ZNF347: variants seen among roughly 807,000 people sequenced by gnomAD.
The protein encoded by ZNF347 is CTD-2620I22.7.
A neutral mutation model predicts 12.9 loss-of-function variants in ZNF347; 19 were observed. The ratio of observed to expected loss-of-function variants is 1.47; its 90% CI spans 1.03 to 2.16. The LOEUF (loss-of-function observed/expected upper bound fraction) is 2.16. Among genes scored for constraint, ZNF347 ranks in the 30% most tolerant of loss-of-function variants. The pLI is 0.00. For missense variants in ZNF347, 1,005 were observed against 990.6 expected (o/e 1.01, Z -0.19); for synonymous variants, 328 against 340.6 (o/e 0.96, Z 0.41).
rs187444511 is a variant in ZNF347, at chr19:53,155,466, G to A, written c.-46-1673C>T. On this transcript the variant is annotated intron_variant, in intron 1 of 4. Coordinates refer to ENST00000334197, the MANE Select transcript of ZNF347 (RefSeq NM_032584.3). ...TCTCACCTCAGCCTTGCAAGTAGCTGGGAGCGCAGGTGCAAGCCACCACAT... is the reference window on the plus strand; with the variant it reads ...TCTCACCTCAGCCTTGCAAGTAGCTAGGAGCGCAGGTGCAAGCCACCACAT... 5.6e-3 allele frequency among the ~76,000 whole-genome samples: 854 copies of A among 151,848 alleles called. 5 individuals carry two copies. Among genetic ancestry groups the A allele is most frequent in the Non-Finnish European group, 9.6e-3 (650 of 67,944 alleles).
rs2090398829 is a variant in ZNF347, at chr19:53,138,438, T to C, written c.*1870A>G. 1 of 152,156 alleles carries C rather than the reference T, an allele frequency of 6.6e-6. No individual in the cohort carries two copies. Among genetic ancestry groups the C allele is most frequent in the Admixed American group, 6.6e-5 (1 of 15,262 alleles). 9.4% of individuals were successfully genotyped at this position (152,156 alleles called of 1,614,324 possible). A position where few individuals can be genotyped will look rare whatever the true frequency, so the allele number is the denominator to read the frequency against. On this transcript the variant is annotated 3_prime_UTR_variant, in exon 5 of 5. Transcript: ENST00000334197. ...AGCCCATACACTTTCTATATTTGTA[T>C]TTTCACTTCATGTAAATAAAGATGC...
rs942553367 is a variant in ZNF347 at position 53,135,239 on chromosome 19, T to C, written c.*5069A>G. 6.6e-6 allele frequency: 1 copy of C among 151,188 alleles called. No individual in the cohort carries two copies. Among genetic ancestry groups the C allele is most frequent in the African/African-American group, 2.4e-5 (1 of 41,078 alleles). 9.4% of individuals were successfully genotyped at this position (151,188 alleles called of 1,614,324 possible). ...GATGTTGGAAATCTTTTTATGTGCC[T>C]ATTTATCTCAGTATAACTGCTTCAG... On this transcript the variant is annotated 3_prime_UTR_variant, in exon 5 of 5. Coordinates refer to ENST00000334197, the MANE Select transcript of ZNF347 (RefSeq NM_032584.3).
At position 53,140,752 on chromosome 19, in the gene ZNF347, T is replaced by C. The variant is rs772340249; in HGVS notation, c.2076A>G (p.Gln692=). Residue 692 remains glutamine, a synonymous_variant, in exon 5 of 5, where the codon CAA becomes CAG. Coordinates refer to ENST00000334197, the MANE Select transcript of ZNF347 (RefSeq NM_032584.3). The stretch of plus-strand genomic sequence containing the variant: ...TCTGATGCCTTGCAAGCTTTGATGT[T>C]TGACTAAAGGCTTTGCCACATTCAT... The part of the protein sequence containing the change: ...QCNECGKAFS[Q]TSKLARHQRV... 3 of 1,612,340 alleles carry C rather than the reference T, an allele frequency of 1.9e-6. No individual in the cohort carries two copies. The highest frequency in any genetic ancestry group is 2.5e-6 in the Non-Finnish European group (3 of 1,179,170).
intron 2 of ZNF347, among the ~76,000 whole-genome samples, chr19:53,152,813 C>T (rs914423356): frequency 2.0e-5 from 3 of 151,830 alleles, no homozygotes; most frequent in Non-Finnish European, 2.9e-5. Flanking sequence ...GCCTGTAGTC[C>T]CAGTTACTTG....
chr19:53,156,533 C>T (rs1391522570), intron 1 of ZNF347, among the ~76,000 whole-genome samples: 1 of 152,156 alleles, frequency 6.6e-6, no homozygotes, highest in Admixed American at 6.5e-5. Context: ...CTGATAAATA[C>T]TGTGGTTCTC....
intron 3 of ZNF347, 151 bp from the exon 4 acceptor site, chr19:53,148,960 A>T: frequency 8.5e-7 from 1 of 1,175,148 alleles, no homozygotes; most frequent in Non-Finnish European, 1.2e-6. Flanking sequence ...TTGTTAGGAA[A>T]CACTATAATA....
intron 4 of ZNF347, 124 bp from the exon 5 acceptor site, chr19:53,142,680 G>A: frequency 2.8e-6 from 2 of 713,890 alleles, no homozygotes; most frequent in Non-Finnish European, 4.3e-6. Context: ...ATATTAAACA[G>A]ATTTATGAAA....
intron 1 of ZNF347, among the ~76,000 whole-genome samples, chr19:53,154,619 T>A (rs1354391097): frequency 3.3e-5 from 5 of 151,932 alleles, no homozygotes; most frequent in Middle Eastern, 3.2e-3. Flanking sequence ...AACAAATAGA[T>A]GTGTAAAGCT....
chr19:53,152,240 T>C (rs4575636), intron 2 of ZNF347, among the ~76,000 whole-genome samples: 82,780 of 151,960 alleles, frequency 0.54, 25,556 homozygotes, highest in South Asian at 0.74. Flanking sequence ...AGATGTAGAA[T>C]GAGCTATACA....
chr19:53,153,564 C>T (rs1033149557), intron 2 of ZNF347, among the ~76,000 whole-genome samples, 169 bp downstream of exon 2: 2 of 152,126 alleles, frequency 1.3e-5, no homozygotes, highest in African/African-American at 2.4e-5. Flanking sequence ...CACTGGGTCA[C>T]GAGAGATGGA....
chr19:53,155,316 G>GTGTGTGTA (rs969604988), intron 1 of ZNF347, among the ~76,000 whole-genome samples: 7 of 151,316 alleles, frequency 4.6e-5, no homozygotes, highest in African/African-American at 1.7e-4. Context: ...GTGTGTGTGT[G>GTGTGTGTA]TGTGTGTGTG....
chr19:53,140,859 C>G lies in ZNF347; in HGVS notation c.1969G>C (p.Glu657Gln), dbSNP rs144522685. 873 of 1,613,816 alleles carry G rather than the reference C, an allele frequency of 5.4e-4. 4 individuals carry two copies. The African/African-American group carries it at 8.4e-3, about 16-fold the overall frequency. The change falls in exon 5 of 5, where the codon GAG becomes CAG. Residue 657 changes from glutamate to glutamine, a missense_variant. By Grantham distance (29) the Glu-to-Gln change is conservative. Transcript: ENST00000334197. ...HTGEKPYKCNECGKVFTQNSH... is the reference protein window; with the variant it reads ...HTGEKPYKCNQCGKVFTQNSH... The stretch of plus-strand genomic sequence containing the variant: ...TTCTGAGTGAAGACCTTGCCACACT[C>G]ATTACATTTGTAAGGTTTTTCACCA...
At chr19:53,152,580 C>T (rs1031890086) in intron 2 of ZNF347, among the ~76,000 whole-genome samples, 6 of 151,988 alleles carry the variant, frequency 3.9e-5, no homozygotes, top group Middle Eastern at 3.4e-3. Context: ...CCAGCCTGGG[C>T]AACAGAGTGA....
intron 4 of ZNF347, among the ~76,000 whole-genome samples, chr19:53,144,573 T>TA (rs1293803068): frequency 6.6e-6 from 1 of 151,896 alleles, no homozygotes; most frequent in African/African-American, 2.4e-5. Context: ...AAAAAAAAAT[T>TA]AGAGTTAAAA....
Position 53,149,260 on chromosome 19 carries a change from A to G in ZNF347, c.123T>C (p.Tyr41=), listed in dbSNP as rs773979666. Residue 41 remains tyrosine, a synonymous_variant, in exon 3 of 5, where the codon TAT becomes TAC. Transcript: ENST00000334197. ...CCTCACCCAGGGAGGCCAGGTTCCT[A>G]TAATTCTCCAACATCACGTCCCTGT... is the stretch of plus-strand genomic sequence containing the variant. ...TLYRDVMLEN[Y]RNLASLGISC... is the part of the protein sequence containing the mutation. The G allele has an allele frequency of 2.2e-5, 35 of 1,613,370 alleles. No homozygotes were observed. The Admixed American group carries it at 5.3e-4, about 25-fold the overall frequency.
Position 53,135,370 on chromosome 19 carries a change from AG to A in ZNF347, c.*4937del, listed in dbSNP as rs2090382906. 1 of 51,814 alleles carries A rather than the reference AG, an allele frequency of 1.9e-5. No individual in the cohort carries two copies. The allele number at this position is 51,814 out of a possible 1,614,324, so 3.2% of individuals were successfully genotyped here. On this transcript the variant is annotated 3_prime_UTR_variant, in exon 5 of 5. Transcript: ENST00000334197. Reference sequence around the variant, plus strand: ...GAGAGAGAGAGAGAGAGAGAGAGAAAGAGAGAGAGAGAGAGAGAGAGAGATG... The same window carrying A: ...GAGAGAGAGAGAGAGAGAGAGAGAAAAGAGAGAGAGAGAGAGAGAGAGATG...
rs1568632886 is a variant in ZNF347 at position 53,136,495 on chromosome 19, A to C, written c.*3813T>G. 1 of 151,994 alleles carries C rather than the reference A, an allele frequency of 6.6e-6. No homozygotes were observed. The highest frequency in any genetic ancestry group is 1.5e-5 in the Non-Finnish European group (1 of 67,976). The allele number at this position is 151,994 out of a possible 1,614,324, so 9.4% of individuals were successfully genotyped here. On this transcript the variant is annotated 3_prime_UTR_variant, in exon 5 of 5. Coordinates refer to ENST00000334197, the MANE Select transcript of ZNF347 (RefSeq NM_032584.3). Reference sequence around the variant, plus strand: ...TGGCTGTAATCCTAGCACTTTGGGAAGCTGAGGCAGGAGGAATGCTTGAGG... The same window carrying C: ...TGGCTGTAATCCTAGCACTTTGGGACGCTGAGGCAGGAGGAATGCTTGAGG...
At chr19:53,152,850 A>C (rs1039291303) in intron 2 of ZNF347, among the ~76,000 whole-genome samples, 2 of 151,968 alleles carry the variant, frequency 1.3e-5, no homozygotes, top group Non-Finnish European at 2.9e-5. Flanking sequence ...GAATGGCGTG[A>C]AAGCAGGAGG....
rs1473298142 is a variant in ZNF347 at position 53,135,279 on chromosome 19, A to G, written c.*5029T>C. The G allele has an allele frequency of 2.0e-5, 3 of 146,962 alleles. No individual in the cohort carries two copies. 9.1% of individuals were successfully genotyped at this position (146,962 alleles called of 1,614,324 possible). On this transcript the variant is annotated 3_prime_UTR_variant, in exon 5 of 5. Transcript: ENST00000334197. ...AACTGCTTCAGTGAAATGTCTCTTC[A>G]TAGTTCTACCCATTTTCTAAATATA...
Sources: allele counts gnomAD v4.1 joint callset (sites outside exome capture counted in the v4.1 genomes callset), GRCh38; gene constraint gnomAD v4.1.1; transcripts MANE v1.5; gene names NCBI Gene and HGNC (gene_info 2026-07-23, HGNC 2026-07-21).